GUCA1C: variants seen among roughly 807,000 people sequenced by gnomAD.
GUCA1C encodes guanylyl cyclase-activating protein 3.
GUCA1C carries 15 observed loss-of-function variants against 16.2 expected under a neutral mutation model. That is an observed-to-expected ratio of 0.93 (90% CI 0.62 to 1.43). GUCA1C has a LOEUF of 1.43. Among genes scored for constraint, GUCA1C ranks in the 40% most tolerant of loss-of-function variants. The pLI, the probability that GUCA1C is intolerant of heterozygous loss-of-function variation, is 0.00. For synonymous variants in GUCA1C, 78 were observed against 85.4 expected (o/e 0.91, Z 0.48); for missense variants, 275 against 244.8 (o/e 1.12, Z -0.82).
intron 1 of GUCA1C, among the ~76,000 whole-genome samples, chr3:108,929,015 G>A (rs939762944): frequency 2.0e-5 from 3 of 152,146 alleles, no homozygotes; most frequent in Non-Finnish European, 4.4e-5. Context: ...TGAATCTACA[G>A]ATCAACTTGG....
chr3:108,953,225 G>A (rs933816952), intron 1 of GUCA1C, among the ~76,000 whole-genome samples: 7 of 152,062 alleles, frequency 4.6e-5, no homozygotes, highest in Admixed American at 1.3e-4. Context: ...TAAATACTTC[G>A]AAAACAGTCT....
chr3:108,939,251 A>AATGT (rs1444140820), intron 1 of GUCA1C, among the ~76,000 whole-genome samples: 53 of 150,864 alleles, frequency 3.5e-4, no homozygotes, highest in Middle Eastern at 6.8e-3. Context: ...GTGAGTTGAG[A>AATGT]ATGTAGAAAA....
At chr3:108,908,260 G>T in intron 3 of GUCA1C, 51 bp from the exon 4 acceptor site, 1 of 1,142,066 alleles carries the variant, frequency 8.8e-7, no homozygotes, top group African/African-American at 1.5e-5. Context: ...CCACTCACTG[G>T]CACAAATGAT....
intron 1 of GUCA1C, among the ~76,000 whole-genome samples, chr3:108,923,597 T>C (rs1946591290): frequency 6.6e-6 from 1 of 152,232 alleles, no homozygotes. Context: ...GTCTCTATAT[T>C]TGTTCTTTCT....
chr3:108,953,956 G>A (rs576067853), upstream of GUCA1C: 5 of 575,184 alleles, frequency 8.7e-6, no homozygotes, highest in Non-Finnish European at 1.6e-5. Flanking sequence ...TTAAAACCAA[G>A]GTCACTTGGC....
chr3:108,928,816 T>A (rs146371475), intron 1 of GUCA1C, among the ~76,000 whole-genome samples: 2 of 152,338 alleles, frequency 1.3e-5, no homozygotes, highest in East Asian at 3.9e-4. Flanking sequence ...CTTTCAGAAA[T>A]ACCACACTGT....
At chr3:108,913,068 C>T (rs141040558) in intron 3 of GUCA1C, among the ~76,000 whole-genome samples, 2 of 152,166 alleles carry the variant, frequency 1.3e-5, no homozygotes, top group African/African-American at 4.8e-5. Flanking sequence ...GTGATGTTGA[C>T]CATTCTTTTG....
At chr3:108,919,430 A>G (rs767529483) in intron 2 of GUCA1C, among the ~76,000 whole-genome samples, 5 of 152,132 alleles carry the variant, frequency 3.3e-5, no homozygotes, top group Non-Finnish European at 5.9e-5. Flanking sequence ...TTGTGTTGCA[A>G]TATATAAGGT....
intron 1 of GUCA1C, among the ~76,000 whole-genome samples, chr3:108,947,651 C>T (rs1339115887): frequency 3.3e-5 from 5 of 152,068 alleles, no homozygotes; most frequent in Admixed American, 2.0e-4. Context: ...GATAAAATTA[C>T]ATAATGTTGG....
At chr3:108,915,177 T>C (rs1406252147) in intron 3 of GUCA1C, among the ~76,000 whole-genome samples, 1 of 150,860 alleles carries the variant, frequency 6.6e-6, no homozygotes, top group East Asian at 2.0e-4. Flanking sequence ...TAGTACAACC[T>C]GTCACACTCA....
At chr3:108,948,904 A>G (rs1365601959) in intron 1 of GUCA1C, among the ~76,000 whole-genome samples, 1 of 151,418 alleles carries the variant, frequency 6.6e-6, no homozygotes, top group Non-Finnish European at 1.5e-5. Flanking sequence ...CTGGAGTACA[A>G]GGGCACGATC....
chr3:108,948,328 C>T (rs754168297), intron 1 of GUCA1C, among the ~76,000 whole-genome samples: 24 of 152,132 alleles, frequency 1.6e-4, no homozygotes, highest in Admixed American at 9.8e-4. Context: ...CTCTCTCTCC[C>T]GCCACCATGT....
intron 2 of GUCA1C, among the ~76,000 whole-genome samples, chr3:108,916,806 CT>C (rs1301659598): frequency 2.0e-5 from 3 of 152,272 alleles, no homozygotes; most frequent in Admixed American, 1.3e-4. Flanking sequence ...TGTAGCCAGC[CT>C]CCCCTAACTC....
chr3:108,935,015 G>A (rs1316458992), intron 1 of GUCA1C, among the ~76,000 whole-genome samples: 6 of 151,684 alleles, frequency 4.0e-5, no homozygotes, highest in African/African-American at 7.3e-5. Context: ...GGGTTTCACC[G>A]TGTTAGCCAG....
chr3:108,910,280 C>T (rs1301604661), intron 3 of GUCA1C, among the ~76,000 whole-genome samples: 3 of 152,062 alleles, frequency 2.0e-5, no homozygotes, highest in African/African-American at 7.2e-5. Context: ...GGGCGGATCA[C>T]GAGGTCAGGA....
intron 1 of GUCA1C, among the ~76,000 whole-genome samples, chr3:108,938,001 C>T (rs966297293): frequency 1.3e-5 from 2 of 151,190 alleles, no homozygotes; most frequent in Non-Finnish European, 1.5e-5. Flanking sequence ...ACCCGGGAGG[C>T]GGAGGTTGCA....
intron 1 of GUCA1C, among the ~76,000 whole-genome samples, chr3:108,946,144 T>C (rs1447300361): frequency 6.6e-6 from 1 of 152,220 alleles, no homozygotes; most frequent in Non-Finnish European, 1.5e-5. Flanking sequence ...GGTAATTTGT[T>C]TTTTGAAACA....
At chr3:108,946,196 T>G (rs1030127454) in intron 1 of GUCA1C, among the ~76,000 whole-genome samples, 5 of 152,354 alleles carry the variant, frequency 3.3e-5, no homozygotes, top group Admixed American at 6.5e-5. Context: ...GTGCAATCAC[T>G]GCTCACTGCA....
chr3:108,922,493 C>G (rs560078588), intron 1 of GUCA1C, among the ~76,000 whole-genome samples: 2 of 152,214 alleles, frequency 1.3e-5, no homozygotes, highest in South Asian at 4.1e-4. Flanking sequence ...GCATCCACAC[C>G]AACATTTGTT....
Sources: gnomAD v4.1 joint callset for allele counts (sites outside exome capture counted in the v4.1 genomes callset) on GRCh38, gnomAD v4.1.1 for gene constraint, MANE v1.5 for transcripts, NCBI Gene and HGNC (gene_info 2026-07-23, HGNC 2026-07-21) for gene names.